The following RELCH variants were observed in gnomAD, a reference collection of about 807,000 sequenced individuals.
RELCH encodes the protein RAB11-binding protein RELCH.
A neutral mutation model predicts 150.3 loss-of-function variants in RELCH; 41 were observed. The ratio of observed to expected loss-of-function variants is 0.27; its 90% confidence interval spans 0.21 to 0.35. RELCH has a LOEUF of 0.35. Among genes scored for constraint, RELCH ranks in the 10% least tolerant of loss-of-function variants. The probability of loss-of-function intolerance (pLI) is 1.00; values close to 1 mark genes in which losing one functional copy is unlikely to be tolerated. For synonymous variants in RELCH, 478 were observed against 531.8 expected (o/e 0.90, Z 1.39); for missense variants, 1,092 against 1,467.8 (o/e 0.74, Z 4.18).
intron 26 of RELCH, among the ~76,000 whole-genome samples, chr18:62,287,976 A>AT (rs1331181692): frequency 3.3e-5 from 5 of 152,156 alleles, no homozygotes; most frequent in African/African-American, 4.8e-5. Context: ...CTTAGAGATC[A>AT]TGTAGGTCCA....
At chr18:62,299,853 A>G (rs1263396258) in intron 28 of RELCH, among the ~76,000 whole-genome samples, 1 of 152,206 alleles carries the variant, frequency 6.6e-6, no homozygotes, top group Non-Finnish European at 1.5e-5. Context: ...TCTTTTAAAG[A>G]TAAGTATTAT....
chr18:62,309,315 T>C lies in RELCH; in HGVS notation c.*3781T>C, dbSNP rs1035128402. ...AAGTTTCTGCATATTGGTAAAAAAA[T>C]TGAATTTTAGACAATTTTCATACTG... On this transcript the variant is annotated 3_prime_UTR_variant, in exon 29 of 29. Transcript: ENST00000644646. 6.6e-5 allele frequency: 10 copies of C among 151,882 alleles called. No individual in the cohort carries two copies. The highest frequency in any genetic ancestry group is 2.2e-4 in the African/African-American group (9 of 41,342). 9.4% of individuals were successfully genotyped at this position (151,882 alleles called of 1,614,324 possible).
Position 62,207,716 on chromosome 18 carries a change from A to G in RELCH, c.527-3437A>G, listed in dbSNP as rs143274705. On this transcript the variant is annotated intron_variant, in intron 1 of 28. Coordinates refer to ENST00000644646, the MANE Select transcript of RELCH (RefSeq NM_001346231.2). ...TCAATTCACCCTTTTAAAGTGTACA[A>G]TTTGGTGGTTCTCTGTGCATTTACA... Among the ~76,000 whole-genome samples, 19 of 152,326 alleles carry G rather than the reference A, an allele frequency of 1.2e-4. No homozygotes were observed. The East Asian group carries it at 3.7e-3, about 29-fold the overall frequency.
intron 9 of RELCH, among the ~76,000 whole-genome samples, chr18:62,232,014 G>T (rs1156305894): frequency 6.6e-6 from 1 of 151,948 alleles, no homozygotes; most frequent in Non-Finnish European, 1.5e-5. Flanking sequence ...GAACATTGAG[G>T]CTGCCCTACT....
chr18:62,269,711 A>G (rs2043787119), intron 20 of RELCH, among the ~76,000 whole-genome samples: 1 of 152,188 alleles, frequency 6.6e-6, no homozygotes, highest in African/African-American at 2.4e-5. Context: ...ACATGTAAGT[A>G]CTTAACAATA....
At chr18:62,216,115 T>C (rs1290531477) in intron 2 of RELCH, among the ~76,000 whole-genome samples, 1 of 152,104 alleles carries the variant, frequency 6.6e-6, no homozygotes, top group Non-Finnish European at 1.5e-5. Flanking sequence ...ATTTTCTAGT[T>C]TTTTTAAAGG....
chr18:62,229,080 C>T (rs188013595), intron 8 of RELCH, among the ~76,000 whole-genome samples: 80 of 151,992 alleles, frequency 5.3e-4, no homozygotes, highest in African/African-American at 1.9e-3. Context: ...TATTGGGTGT[C>T]AGAACTCGCA....
At position 62,261,539 on chromosome 18, in the gene RELCH, A is replaced by G. The variant is rs1307055174; in HGVS notation, c.2231A>G (p.Lys744Arg). The G allele has an allele frequency of 6.2e-7, 1 of 1,611,978 alleles. No individual in the cohort carries two copies. The highest frequency in any genetic ancestry group is 2.2e-5 in the East Asian group (1 of 44,790). ...GGAGAACATGGACTGGATGAACACA[A>G]ACTCCACATGTATCTTTCTGCCTTG... ...REGEHGLDEHKLHMYLSALQS... is the reference protein window; with the variant it reads ...REGEHGLDEHRLHMYLSALQS... Residue 744 changes from lysine to arginine, a missense_variant, in exon 16 of 29, where the codon AAA (lysine) becomes AGA (arginine). Physicochemically the swap from Lys to Arg is conservative, Grantham distance 26. Around this residue, in one of 4 missense-constraint regions of RELCH, gnomAD observed 707 missense variants for 1,025.4 expected, o/e 0.69. Coordinates refer to ENST00000644646, the MANE Select transcript of RELCH (RefSeq NM_001346231.2).
intron 2 of RELCH, among the ~76,000 whole-genome samples, chr18:62,217,964 A>G (rs901169736): frequency 3.9e-5 from 6 of 152,012 alleles, no homozygotes; most frequent in African/African-American, 1.4e-4. Flanking sequence ...TTGCTAAGTC[A>G]TGCCTAACAG....
chr18:62,264,983 C>T, intron 18 of RELCH, 131 bp downstream of exon 18: 1 of 678,322 alleles, frequency 1.5e-6, no homozygotes, highest in Non-Finnish European at 2.3e-6. Context: ...TCCTAGAATA[C>T]TATGATAGTA....
intron 8 of RELCH, 120 bp downstream of exon 8, chr18:62,228,718 A>G (rs2148415785): frequency 2.8e-6 from 2 of 726,634 alleles, no homozygotes; most frequent in East Asian, 2.8e-5. Context: ...TAATTTTTAT[A>G]TTTGACATGA....
intron 25 of RELCH, among the ~76,000 whole-genome samples, chr18:62,286,801 T>A (rs1229860505): frequency 6.6e-6 from 1 of 152,182 alleles, no homozygotes; most frequent in African/African-American, 2.4e-5. Flanking sequence ...TATGTTACTC[T>A]TTGAGGGTAT....
intron 11 of RELCH, among the ~76,000 whole-genome samples, chr18:62,252,218 C>T (rs1223579932): frequency 6.1e-5 from 9 of 148,682 alleles, no homozygotes; most frequent in Admixed American, 6.1e-4. Context: ...CCAGGGCGGT[C>T]TCTATCTCCT....
chr18:62,251,616 C>T (rs1349140746), intron 11 of RELCH, among the ~76,000 whole-genome samples: 2 of 152,112 alleles, frequency 1.3e-5, no homozygotes, highest in African/African-American at 2.4e-5. Flanking sequence ...CAAAGAGATG[C>T]GATCATTGAG....
chr18:62,196,603 C>T (rs1289725748), intron 1 of RELCH, among the ~76,000 whole-genome samples: 1 of 152,210 alleles, frequency 6.6e-6, no homozygotes, highest in Non-Finnish European at 1.5e-5. Flanking sequence ...TTCTCTGGGC[C>T]ATAGACGTTC....
At chr18:62,201,765 A>C (rs746237602) in intron 1 of RELCH, among the ~76,000 whole-genome samples, 5 of 152,188 alleles carry the variant, frequency 3.3e-5, no homozygotes, top group Non-Finnish European at 7.4e-5. Context: ...TTATTTTGCT[A>C]TTCCTGTCAG....
intron 28 of RELCH, among the ~76,000 whole-genome samples, chr18:62,302,852 G>T (rs895630180): frequency 2.0e-5 from 3 of 152,108 alleles, no homozygotes; most frequent in African/African-American, 7.2e-5. Flanking sequence ...GAGAAGAAAA[G>T]AGATAAGTAA....
Position 62,279,765 on chromosome 18 carries a change from A to C in RELCH, c.2968-9A>C. Reference sequence around the variant, plus strand: ...TCACCTGTGAATACCCCCTGTGCTGACCAATCAGCTGTTGGTGAAGGGGGT... The same window carrying C: ...TCACCTGTGAATACCCCCTGTGCTGCCCAATCAGCTGTTGGTGAAGGGGGT... On this transcript the variant is annotated splice_polypyrimidine_tract_variant and intron_variant, in intron 22 of 28. Coordinates refer to ENST00000644646, the MANE Select transcript of RELCH (RefSeq NM_001346231.2). The C allele has an allele frequency of 6.5e-7, 1 of 1,531,824 alleles. No individual in the cohort carries two copies. Among genetic ancestry groups the C allele is most frequent in the South Asian group, 1.2e-5 (1 of 83,992 alleles). 94.9% of individuals were successfully genotyped at this position (1,531,824 alleles called of 1,614,324 possible). A position where few individuals can be genotyped will look rare whatever the true frequency, so the allele number is the denominator to read the frequency against.
Position 62,187,301 on chromosome 18 carries a change from T to A in RELCH, c.-205T>A. ...CAGGAAGACGCCTGCAGAGCCGGGC[T>A]GCTGGTGCAGCAGAGGCTGAGGCAT... On this transcript the variant is annotated 5_prime_UTR_variant, in exon 1 of 29. Coordinates refer to ENST00000644646, the MANE Select transcript of RELCH (RefSeq NM_001346231.2). 1 of 409,530 alleles carries A rather than the reference T, an allele frequency of 2.4e-6. No homozygotes were observed. The highest frequency in any genetic ancestry group is 4.3e-6 in the Non-Finnish European group (1 of 232,212). The allele number at this position is 409,530 out of a possible 1,614,324, so 25.4% of individuals were successfully genotyped here.
Sources: allele counts gnomAD v4.1 joint callset (sites outside exome capture counted in the v4.1 genomes callset), GRCh38; gene constraint gnomAD v4.1.1; regional missense constraint gnomAD v4.1.1; transcripts MANE v1.5; gene names NCBI Gene and HGNC (gene_info 2026-07-23, HGNC 2026-07-21).